The following LRRC2 variants were observed in gnomAD, a reference collection of about 807,000 sequenced individuals.
The protein encoded by LRRC2 is leucine-rich repeat-containing protein 2.
Under a neutral mutation model 40.2 loss-of-function variants are expected in LRRC2, and 27 were observed. The ratio of observed to expected loss-of-function variants is 0.67; its 90% CI spans 0.49 to 0.93. LRRC2 has a LOEUF of 0.93. LRRC2 is among the 40% of genes least tolerant of loss of function. LRRC2 has a pLI of 0.00. For missense variants in LRRC2, 402 were observed against 439.6 expected (o/e 0.91, Z 0.76); for synonymous variants, 147 against 158.9 (o/e 0.92, Z 0.56).
In LRRC2 at chr3:46,526,921, C is replaced by T. The variant is rs1005650825; in HGVS notation, c.929+505G>A. 6.6e-5 allele frequency among the ~76,000 whole-genome samples: 10 copies of T among 152,260 alleles called. No homozygotes were observed. In the South Asian group the frequency reaches 1.9e-3, roughly 28 times the overall value. ...CTGGGAGGATGTGCTGCCAGGGAGC[C>T]ATCAGCTGCCTTGGAGTCATTTCAG... On this transcript the variant is annotated intron_variant, in intron 7 of 8. Coordinates refer to ENST00000395905, the MANE Select transcript of LRRC2 (RefSeq NM_024512.5).
chr3:46,517,195 C>A lies in LRRC2; in HGVS notation c.*1819G>T, dbSNP rs1207330156. 3 of 151,742 alleles carry A rather than the reference C, an allele frequency of 2.0e-5. No individual in the cohort carries two copies. The highest frequency in any genetic ancestry group is 4.4e-5 in the Non-Finnish European group (3 of 68,004). 9.4% of individuals were successfully genotyped at this position (151,742 alleles called of 1,614,324 possible). On this transcript the variant is annotated 3_prime_UTR_variant, in exon 9 of 9. Transcript: ENST00000395905. ...CTGCAGAAAGCTCCACTGGATGGTA[C>A]TGGGCAAGACCACAGAGGAGATGAT...
chr3:46,542,822 C>A (rs1285269252), intron 3 of LRRC2, among the ~76,000 whole-genome samples: 1 of 152,112 alleles, frequency 6.6e-6, no homozygotes, highest in East Asian at 1.9e-4. Flanking sequence ...AAACAGGAGC[C>A]CCAGCCCTCA....
chr3:46,564,292 C>T (rs56048308), intron 1 of LRRC2, among the ~76,000 whole-genome samples: 5,135 of 103,962 alleles, frequency 0.049, 195 homozygotes, highest in South Asian at 0.22. Flanking sequence ...CCAGTTATAT[C>T]AGAACCACTT....
At chr3:46,521,871 C>A (rs190836610) in intron 7 of LRRC2, among the ~76,000 whole-genome samples, 7 of 152,238 alleles carry the variant, frequency 4.6e-5, no homozygotes, top group African/African-American at 1.2e-4. Context: ...TTTTCAGAGG[C>A]CTGATGGGGA....
intron 4 of LRRC2, among the ~76,000 whole-genome samples, chr3:46,538,691 G>A (rs1052432497): frequency 7.9e-5 from 12 of 152,158 alleles, no homozygotes; most frequent in South Asian, 2.1e-4. Flanking sequence ...ATGGACTAAT[G>A]TATAAGAGCA....
At chr3:46,542,228 C>A (rs1704410186) in intron 3 of LRRC2, among the ~76,000 whole-genome samples, 1 of 151,786 alleles carries the variant, frequency 6.6e-6, no homozygotes, top group East Asian at 1.9e-4. Context: ...AAGAAAGCAT[C>A]CCCCCCAAAA....
chr3:46,551,645 A>G, intron 1 of LRRC2, 35 bp from the exon 2 acceptor site: 1 of 1,509,624 alleles, frequency 6.6e-7, no homozygotes, highest in Non-Finnish European at 9.0e-7. Context: ...TCAGCTTGAT[A>G]CACAAACAGA....
rs1433239549 is a variant in LRRC2, at chr3:46,516,701, C to G, written c.*2313G>C. ...ACATTCCTAGGCACTGATAACGGTG[C>G]TTAGGTTGTTGCTGGAAACACTGAA... On this transcript the variant is annotated 3_prime_UTR_variant, in exon 9 of 9. Coordinates refer to ENST00000395905, the MANE Select transcript of LRRC2 (RefSeq NM_024512.5). The G allele has an allele frequency of 6.6e-6, 1 of 152,368 alleles. No homozygotes were observed. The highest frequency in any genetic ancestry group is 1.9e-4 in the East Asian group (1 of 5,184). The allele number at this position is 152,368 out of a possible 1,614,324, so 9.4% of individuals were successfully genotyped here.
At chr3:46,535,250 A>G (rs1050355071) in intron 4 of LRRC2, among the ~76,000 whole-genome samples, 1 of 152,214 alleles carries the variant, frequency 6.6e-6, no homozygotes, top group East Asian at 1.9e-4. Flanking sequence ...CTATATAATG[A>G]TGAAAAATTG....
At chr3:46,562,310 T>C (rs966776889) in intron 1 of LRRC2, among the ~76,000 whole-genome samples, 4 of 152,110 alleles carry the variant, frequency 2.6e-5, no homozygotes, top group Non-Finnish European at 5.9e-5. Flanking sequence ...AGATCCTCCA[T>C]CCCCAGTCAA....
chr3:46,554,015 G>T (rs942482003), intron 1 of LRRC2, among the ~76,000 whole-genome samples: 2 of 149,610 alleles, frequency 1.3e-5, no homozygotes, highest in African/African-American at 4.9e-5. Flanking sequence ...TGTTGTTGTT[G>T]TTTTTTTGTT....
chr3:46,565,025 C>T (rs1197616794), intron 1 of LRRC2, among the ~76,000 whole-genome samples: 1 of 152,170 alleles, frequency 6.6e-6, no homozygotes, highest in East Asian at 1.9e-4. Flanking sequence ...CTGATAGAAA[C>T]GGGGGTAAAT....
At chr3:46,544,983 G>A in intron 3 of LRRC2, 63 bp downstream of exon 3, 1 of 1,458,846 alleles carries the variant, frequency 6.9e-7, no homozygotes, top group South Asian at 1.2e-5. Context: ...TTCATCCTTG[G>A]GCTCAGGCGA....
At chr3:46,528,293 C>CTTTTTT (rs10706448) in intron 6 of LRRC2, among the ~76,000 whole-genome samples, 1 of 147,050 alleles carries the variant, frequency 6.8e-6, no homozygotes, top group Non-Finnish European at 1.5e-5. Flanking sequence ...CTTTGGTACA[C>CTTTTTT]TTTTTTTTTT....
intron 3 of LRRC2, among the ~76,000 whole-genome samples, chr3:46,543,816 T>C (rs1704459187): frequency 6.6e-6 from 1 of 152,062 alleles, no homozygotes; most frequent in African/African-American, 2.4e-5. Context: ...CATGCCTCCC[T>C]TCGTGCCCTA....
At chr3:46,547,322 C>A (rs909850115) in intron 2 of LRRC2, among the ~76,000 whole-genome samples, 2 of 152,032 alleles carry the variant, frequency 1.3e-5, no homozygotes, top group Non-Finnish European at 2.9e-5. Context: ...ACCCAGCAAT[C>A]CATGAGTCAG....
intron 4 of LRRC2, among the ~76,000 whole-genome samples, chr3:46,538,505 G>A (rs1337280728): frequency 6.6e-6 from 1 of 151,898 alleles, no homozygotes; most frequent in East Asian, 1.9e-4. Context: ...CTGGTGGCAC[G>A]TGACTGTAAC....
chr3:46,527,183 G>A lies in LRRC2; in HGVS notation c.929+243C>T, dbSNP rs373742657. Among the ~76,000 whole-genome samples the A allele has an allele frequency of 3.8e-4, 58 of 152,258 alleles. No homozygotes were observed. In the South Asian group the frequency reaches 0.011, roughly 30 times the overall value. On this transcript the variant is annotated intron_variant, in intron 7 of 8. Transcript: ENST00000395905. ...ATCACAGGCCCTGGACATATGTCCC[G>A]CAACACCATCAACCAGCATGCATTT... is the stretch of plus-strand genomic sequence containing the variant.
At chr3:46,528,510 G>A (rs958833381) in intron 6 of LRRC2, among the ~76,000 whole-genome samples, 8 of 152,076 alleles carry the variant, frequency 5.3e-5, no homozygotes, top group East Asian at 1.9e-4. Context: ...AGGCAACTGC[G>A]GAGTGAAAAG....
Sources: gnomAD v4.1 joint callset for allele counts (sites outside exome capture counted in the v4.1 genomes callset) on GRCh38, gnomAD v4.1.1 for gene constraint, MANE v1.5 for transcripts, NCBI Gene and HGNC (gene_info 2026-07-23, HGNC 2026-07-21) for gene names.